Variants in FAM184B observed in about 807,000 individuals in gnomAD.
FAM184B encodes family with sequence similarity 184 member B.
Under a neutral mutation model 135.9 loss-of-function variants are expected in FAM184B, and 111 were observed. The ratio of observed to expected loss-of-function variants is 0.82; its 90% CI spans 0.70 to 0.96. The LOEUF is 0.96. Among genes scored for constraint, FAM184B ranks in the 40% least tolerant of loss-of-function variants. FAM184B has a pLI of 0.00. For synonymous variants in FAM184B, 552 were observed against 524.8 expected (o/e 1.05, Z -0.71); for missense variants, 1,375 against 1,323.9 (o/e 1.04, Z -0.60).
At chr4:17,640,747 T>C (rs1185223169) in intron 13 of FAM184B, among the ~76,000 whole-genome samples, 1 of 152,162 alleles carries the variant, frequency 6.6e-6, no homozygotes, top group Non-Finnish European at 1.5e-5. Flanking sequence ...TCCTGTGTCT[T>C]TAAAGAAATT....
intron 12 of FAM184B, among the ~76,000 whole-genome samples, chr4:17,642,704 G>A (rs149577062): frequency 6.6e-6 from 1 of 152,254 alleles, no homozygotes; most frequent in Non-Finnish European, 1.5e-5. Context: ...TGTCCATGCT[G>A]GTTTCCTTGG....
At chr4:17,688,680 CTTTTTTTTT>C (rs34337003) in intron 6 of FAM184B, 149 bp from the exon 7 acceptor site, 31 of 117,952 alleles carry the variant, frequency 2.6e-4, no homozygotes, top group Middle Eastern at 3.4e-3. Flanking sequence ...CTAGAAATGC[CTTTTTTTTT>C]TTTTTTTTTT....
At chr4:17,714,986 C>G (rs186120871) in intron 1 of FAM184B, among the ~76,000 whole-genome samples, 94 of 152,298 alleles carry the variant, frequency 6.2e-4, no homozygotes, top group Non-Finnish European at 1.8e-4. Flanking sequence ...CCCTCCCCTT[C>G]CCCTCACCTC....
intron 5 of FAM184B, among the ~76,000 whole-genome samples, chr4:17,699,000 ATTT>A (rs1716925760): frequency 6.6e-6 from 1 of 152,170 alleles, no homozygotes; most frequent in African/African-American, 2.4e-5. Context: ...TTAAAGGAAC[ATTT>A]ATAAATGTAT....
At chr4:17,710,936 G>T (rs1034571461) in intron 1 of FAM184B, among the ~76,000 whole-genome samples, 1 of 152,198 alleles carries the variant, frequency 6.6e-6, no homozygotes, top group African/African-American at 2.4e-5. Flanking sequence ...AATGTCCAGC[G>T]CTCAGAGGAG....
Position 17,760,232 on chromosome 4 carries a change from G to A in FAM184B, c.141+20927C>T, listed in dbSNP as rs748772987. ...TGTAATCTCAGCACTTTGGGAGGCC[G>A]AGGTGGGCAGATCACAAGGTCAGGA... On this transcript the variant is annotated intron_variant, in intron 1 of 17. Transcript: ENST00000265018. Among the ~76,000 whole-genome samples the A allele has an allele frequency of 2.4e-4, 37 of 152,242 alleles. No individual in the cohort carries two copies. The South Asian group carries it at 3.1e-3, about 13-fold the overall frequency.
chr4:17,749,277 A>G (rs1718242487), intron 1 of FAM184B, among the ~76,000 whole-genome samples: 1 of 152,124 alleles, frequency 6.6e-6, no homozygotes, highest in African/African-American at 2.4e-5. Context: ...AGGAGGCCAG[A>G]AAAGATCAGA....
intron 1 of FAM184B, among the ~76,000 whole-genome samples, chr4:17,770,177 AT>A (rs1718783583): frequency 1.3e-5 from 2 of 152,240 alleles, no homozygotes; most frequent in African/African-American, 4.8e-5. Flanking sequence ...TGAAATTGGA[AT>A]TGAAATTTCA....
chr4:17,639,275 C>T lies in FAM184B; in HGVS notation c.2641G>A (p.Ala881Thr), dbSNP rs1405528334. Reference protein sequence around the residue: ...DFSSAQAQLQARLAALEAELK... With the variant: ...DFSSAQAQLQTRLAALEAELK... Reference sequence around the variant, plus strand: ...TCGGCTTCCAGGGCAGCCAGCCGGGCCTGGAGCTGGGCCTGGGCACTACTG... The same window carrying T: ...TCGGCTTCCAGGGCAGCCAGCCGGGTCTGGAGCTGGGCCTGGGCACTACTG... The change falls in exon 14 of 18, where the codon GCC (alanine) becomes ACC (threonine). Residue 881 changes from alanine to threonine, a missense_variant. Ala to Thr is a moderately conservative substitution (Grantham distance 58, BLOSUM62 0). Coordinates refer to ENST00000265018, the MANE Select transcript of FAM184B (RefSeq NM_015688.2). 1 of 1,551,726 alleles carries T rather than the reference C, an allele frequency of 6.4e-7. No homozygotes were observed. The highest frequency in any genetic ancestry group is 8.7e-7 in the Non-Finnish European group (1 of 1,146,996).
intron 1 of FAM184B, among the ~76,000 whole-genome samples, chr4:17,721,383 C>CAAAAAAAAAGAAAA (rs1717523430): frequency 2.1e-5 from 1 of 47,384 alleles, no homozygotes; most frequent in Non-Finnish European, 4.0e-5. Context: ...GATTCTGTCT[C>CAAAAAAAAAGAAAA]AAAAAAAAAA....
Position 17,709,424 on chromosome 4 carries a change from T to G in FAM184B, c.362A>C (p.Glu121Ala), listed in dbSNP as rs1717198352. Residue 121 changes from glutamate (E) to alanine (A), a missense_variant, in exon 2 of 18, where the codon GAG (glutamate) becomes GCG (alanine). Coordinates refer to ENST00000265018, the MANE Select transcript of FAM184B (RefSeq NM_015688.2). ...CGTCTCCAGCCTGCACGAGGCCGAC[T>G]CAGCCAGCGCCTCCTCCGTCAGCCT... ...QKRLTEEALAESASCRLETKE... is the reference protein window; with the variant it reads ...QKRLTEEALAASASCRLETKE... 5.3e-6 allele frequency: 8 copies of G among 1,519,032 alleles called. No homozygotes were observed. Among genetic ancestry groups the G allele is most frequent in the African/African-American group, 1.4e-5 (1 of 72,144 alleles). The allele number at this position is 1,519,032 out of a possible 1,614,324, so 94.1% of individuals were successfully genotyped here. A position where few individuals can be genotyped will look rare whatever the true frequency, so the allele number is the denominator to read the frequency against.
intron 1 of FAM184B, among the ~76,000 whole-genome samples, chr4:17,779,820 C>G (rs1363162615): frequency 6.6e-6 from 1 of 152,208 alleles, no homozygotes. Context: ...AGCTTTCACT[C>G]AATATTTCAA....
In FAM184B at chr4:17,702,975, G is replaced by T. The variant is rs577229759; in HGVS notation, c.1377+2025C>A. 2.0e-5 allele frequency among the ~76,000 whole-genome samples: 3 copies of T among 152,314 alleles called. 1 individual carries two copies. Among genetic ancestry groups the T allele is most frequent in the African/African-American group, 7.2e-5 (3 of 41,568 alleles). ...CCCAGTGTGAAGGTGGGGAAGCCACGGGCTCTGGAGTCAGGATATCAGATT... is the reference window on the plus strand; with the variant it reads ...CCCAGTGTGAAGGTGGGGAAGCCACTGGCTCTGGAGTCAGGATATCAGATT... On this transcript the variant is annotated intron_variant, in intron 5 of 17. Coordinates refer to ENST00000265018, the MANE Select transcript of FAM184B (RefSeq NM_015688.2).
intron 1 of FAM184B, among the ~76,000 whole-genome samples, chr4:17,776,481 C>T (rs142007373): frequency 0.014 from 2,105 of 152,242 alleles, 54 homozygotes; most frequent in African/African-American, 0.048. Context: ...CTCCGCCTCT[C>T]GGGTTCAAGC....
At chr4:17,737,435 G>T (rs946381709) in intron 1 of FAM184B, among the ~76,000 whole-genome samples, 1 of 151,398 alleles carries the variant, frequency 6.6e-6, no homozygotes, top group Non-Finnish European at 1.5e-5. Context: ...TTTCTAAGTT[G>T]TGCCAGATAA....
At chr4:17,709,989 A>C (rs1180834701) in intron 1 of FAM184B, among the ~76,000 whole-genome samples, 3 of 152,182 alleles carry the variant, frequency 2.0e-5, no homozygotes, top group African/African-American at 7.2e-5. Context: ...ATTTGTTCAG[A>C]AGGAACACTT....
rs1266776718 is a variant in FAM184B at position 17,636,534 on chromosome 4, C to T, written c.2778G>A (p.Gln926=). Residue 926 remains glutamine (Q), a synonymous_variant, in exon 15 of 18, where the codon CAG becomes CAA. Coordinates refer to ENST00000265018, the MANE Select transcript of FAM184B (RefSeq NM_015688.2). ...CGCCCCCTGACAGCCTCACCGTGAGCTGCTTGATGATGTCCTCTCTCTCCT... is the reference window on the plus strand; with the variant it reads ...CGCCCCCTGACAGCCTCACCGTGAGTTGCTTGATGATGTCCTCTCTCTCCT... The part of the protein sequence containing the change: ...RLKEREDIIK[Q]LTEERRFHYA... 1.9e-6 allele frequency: 3 copies of T among 1,550,528 alleles called. No homozygotes were observed. In the Admixed American group the frequency reaches 5.9e-5, roughly 30 times the overall value.
intron 1 of FAM184B, among the ~76,000 whole-genome samples, chr4:17,742,046 A>G (rs1718053263): frequency 6.6e-6 from 1 of 151,738 alleles, no homozygotes; most frequent in Non-Finnish European, 1.5e-5. Flanking sequence ...AGTCAGCAAT[A>G]ATATATTGGA....
Position 17,705,826 on chromosome 4 carries a change from C to T in FAM184B, c.1096G>A (p.Gly366Ser), listed in dbSNP as rs61741460. The T allele has an allele frequency of 0.051, 79,676 of 1,552,042 alleles. 2,459 individuals are homozygous for T. The highest frequency in any genetic ancestry group is 0.059 in the Non-Finnish European group (67,654 of 1,147,030). The change falls in exon 4 of 18, where the codon GGC (glycine) becomes AGC (serine). Residue 366 changes from glycine to serine, a missense_variant. Gly to Ser is a moderately conservative substitution (Grantham distance 56). Coordinates refer to ENST00000265018, the MANE Select transcript of FAM184B (RefSeq NM_015688.2). ...TGATCCTGCTGAGGATGAAGATTGCCGGCTTCCAAGTCATTCTCTTCCCGC... is the reference window on the plus strand; with the variant it reads ...TGATCCTGCTGAGGATGAAGATTGCTGGCTTCCAAGTCATTCTCTTCCCGC... ...VLREENDLEAGNLHPQQDQSC... is the reference protein window; with the variant it reads ...VLREENDLEASNLHPQQDQSC...
Sources: allele counts gnomAD v4.1 joint callset (sites outside exome capture counted in the v4.1 genomes callset), GRCh38; gene constraint gnomAD v4.1.1; transcripts MANE v1.5; gene names NCBI Gene and HGNC (gene_info 2026-07-23, HGNC 2026-07-21).